The following GSN variants were observed in gnomAD, a reference collection of about 807,000 sequenced individuals.
The protein encoded by GSN is actin-depolymerizing factor.
In GSN, 56 loss-of-function variants were observed where a neutral mutation model predicts 85.7. The ratio of observed to expected loss-of-function variants is 0.65; its 90% CI spans 0.53 to 0.82. The LOEUF is 0.82. Among genes scored for constraint, GSN ranks in the 40% least tolerant of loss-of-function variants. The probability of loss-of-function intolerance (pLI) is 0.00; values close to 1 mark genes in which losing one functional copy is unlikely to be tolerated. For missense variants in GSN, 857 were observed against 979.8 expected, an observed-to-expected ratio of 0.87 and a Z score of 1.67; for synonymous variants, 373 against 399.1, an observed-to-expected ratio of 0.93 and a Z score of 0.78.
rs895293147 is a variant in GSN, at chr9:121,217,380, T to A, written c.-528+6513T>A. The stretch of plus-strand genomic sequence containing the variant: ...AACTCCGTCTCAAAAAAAAAAAAAA[T>A]AACTTTTATTTTAAGTTCAGGAGTA... On this transcript the variant is annotated intron_variant, in intron 4 of 24. Coordinates refer to the GSN transcript ENST00000373823. 9.5e-4 allele frequency among the ~76,000 whole-genome samples: 139 copies of A among 147,034 alleles called. 2 individuals are homozygous for A. Among genetic ancestry groups the A allele is most frequent in the Middle Eastern group, 3.6e-3 (1 of 280 alleles).
intron 3 of GSN, chr9:121,210,427 T>C (rs746399302): frequency 6.6e-6 from 1 of 152,252 alleles, no homozygotes. Flanking sequence ...TAGCCTCATA[T>C]TGATAGAGTT....
intron 11 of GSN, among the ~76,000 whole-genome samples, chr9:121,322,089 CA>C (rs1274721500): frequency 8.5e-5 from 13 of 152,136 alleles, no homozygotes; most frequent in African/African-American, 1.7e-4. Context: ...GTTCAAAAAT[CA>C]AAACAGAATA....
At chr9:121,260,871 G>A (rs929646954) in intron 6 of GSN, among the ~76,000 whole-genome samples, 1 of 152,232 alleles carries the variant, frequency 6.6e-6, no homozygotes, top group African/African-American at 2.4e-5. Context: ...GGGAATGTAA[G>A]AAGGAGAAAG....
intron 16 of GSN, among the ~76,000 whole-genome samples, chr9:121,330,181 T>C (rs1049605901): frequency 3.9e-5 from 6 of 152,340 alleles, no homozygotes; most frequent in African/African-American, 1.4e-4. Context: ...CACCATGGTC[T>C]TGCAGGCAAA....
intron 5 of GSN, among the ~76,000 whole-genome samples, chr9:121,246,700 C>A (rs927254634): frequency 6.6e-6 from 1 of 152,182 alleles, no homozygotes; most frequent in Non-Finnish European, 1.5e-5. Flanking sequence ...CTGTCTATCA[C>A]CACCCTCTCA....
At chr9:121,303,889 T>C (rs1457049334) in intron 4 of GSN, among the ~76,000 whole-genome samples, 1 of 151,976 alleles carries the variant, frequency 6.6e-6, no homozygotes, top group East Asian at 1.9e-4. Flanking sequence ...AATGTCAGAG[T>C]CCAAATCTCA....
At chr9:121,311,053 G>A in intron 5 of GSN, 1 of 596,556 alleles carries the variant, frequency 1.7e-6, no homozygotes, top group Non-Finnish European at 3.0e-6. Flanking sequence ...GACTTTGATT[G>A]ACATATAGAC....
In GSN at chr9:121,310,728, G is replaced by A. The variant is rs1242647044; in HGVS notation, c.396G>A (p.Glu132=). 2 of 1,614,208 alleles carry A rather than the reference G, an allele frequency of 1.2e-6. No homozygotes were observed. The highest frequency in any genetic ancestry group is 1.7e-6 in the Non-Finnish European group (2 of 1,180,022). ...ASGFKHVVPN[E]VVVQRLFQVK... ...GATTCAAGCACGTGGTACCCAACGA[G>A]GTGGTGGTGCAGAGACTCTTCCAGG... Residue 132 remains glutamate, a synonymous_variant, in exon 5 of 18, where the codon GAG becomes GAA. Transcript: ENST00000432226.
chr9:121,310,472 A>G (rs2060976600), intron 4 of GSN: 1 of 606,212 alleles, frequency 1.6e-6, no homozygotes, highest in Non-Finnish European at 3.0e-6. Context: ...GGCAAATTTT[A>G]TTCCTTTCCT....
chr9:121,233,945 C>T (rs375299944), intron 5 of GSN, among the ~76,000 whole-genome samples: 12 of 152,252 alleles, frequency 7.9e-5, no homozygotes, highest in African/African-American at 1.7e-4. Flanking sequence ...TTGAACAAAT[C>T]GAAAGTTTCT....
At chr9:121,306,237 AAT>A (rs2060405839) in intron 4 of GSN, among the ~76,000 whole-genome samples, 1 of 152,202 alleles carries the variant, frequency 6.6e-6, no homozygotes, top group African/African-American at 2.4e-5. Flanking sequence ...GAACCCATAG[AAT>A]CACTGGAACC....
chr9:121,272,654 G>A (rs1251884184), intron 1 of GSN, among the ~76,000 whole-genome samples: 1 of 152,146 alleles, frequency 6.6e-6, no homozygotes, highest in Non-Finnish European at 1.5e-5. Flanking sequence ...CCCATTCCCT[G>A]CTCTACAAGC....
chr9:121,288,953 C>T (rs2058411447), intron 2 of GSN, among the ~76,000 whole-genome samples: 1 of 152,172 alleles, frequency 6.6e-6, no homozygotes, highest in African/African-American at 2.4e-5. Flanking sequence ...CTACGTGGCA[C>T]AGTCACAGGG....
At chr9:121,266,236 C>T (rs556179555), upstream of GSN, among the ~76,000 whole-genome samples, 1 of 152,348 alleles carries the variant, frequency 6.6e-6, no homozygotes, top group African/African-American at 2.4e-5. Context: ...AGCAGACATT[C>T]TCCAATGTTT....
At chr9:121,294,145 T>C (rs1348552618) in intron 2 of GSN, among the ~76,000 whole-genome samples, 6 of 152,130 alleles carry the variant, frequency 3.9e-5, no homozygotes, top group African/African-American at 1.4e-4. Flanking sequence ...CTGGCTTGGG[T>C]TGGGGCATTG....
At chr9:121,321,639 A>G (rs1179395959) in intron 11 of GSN, among the ~76,000 whole-genome samples, 1 of 152,222 alleles carries the variant, frequency 6.6e-6, no homozygotes, top group East Asian at 1.9e-4. Context: ...CAAACAGAAC[A>G]TCTCCCACAA....
intron 6 of GSN, among the ~76,000 whole-genome samples, chr9:121,251,132 G>GT (rs1360000599): frequency 7.4e-6 from 1 of 135,036 alleles, no homozygotes; most frequent in Non-Finnish European, 1.6e-5. Flanking sequence ...GACCCTGTTT[G>GT]TTTTTTTAAG....
At position 121,299,451 on chromosome 9, in the gene GSN, A is replaced by T; in HGVS notation, c.-9-2512A>T. The T allele has an allele frequency of 1.0e-6, 1 of 985,068 alleles. No individual in the cohort carries two copies. Among genetic ancestry groups the T allele is most frequent in the Non-Finnish European group, 1.2e-6 (1 of 829,570 alleles). 61.0% of individuals were successfully genotyped at this position (985,068 alleles called of 1,614,324 possible). On this transcript the variant is annotated intron_variant, in intron 2 of 17. Coordinates refer to ENST00000432226, the MANE Select transcript of GSN (RefSeq NM_198252.3). The surrounding 1 kb of genome is among the most constrained non-coding windows in gnomAD (Gnocchi z 4.2). ...GTTGGCCGTTGTACCCTCTCTGAAA[A>T]GGATGTGCTGATGCCTCGGTGAAAA...
At chr9:121,276,182 T>A (rs2056644095) in intron 1 of GSN, among the ~76,000 whole-genome samples, 1 of 152,268 alleles carries the variant, frequency 6.6e-6, no homozygotes, top group Non-Finnish European at 1.5e-5. Flanking sequence ...GCACTATTTA[T>A]AAAGAGCCTG....
Sources: gnomAD v4.1 joint callset for allele counts (sites outside exome capture counted in the v4.1 genomes callset) on GRCh38, gnomAD v4.1.1 for gene constraint, Gnocchi (gnomAD v3.1) non-coding constraint, MANE v1.5 for transcripts, NCBI Gene and HGNC (gene_info 2026-07-23, HGNC 2026-07-21) for gene names.